Variants in NTNG1 observed in about 807,000 individuals in gnomAD.
NTNG1 encodes netrin G1, also known as netrin-G1.
Under a neutral mutation model 54.0 loss-of-function variants are expected in NTNG1, and 16 were observed. The ratio of observed to expected loss-of-function variants is 0.30; its 90% CI spans 0.20 to 0.45. The LOEUF (loss-of-function observed/expected upper bound fraction) is 0.45, where lower values mean the gene tolerates loss of function less well. NTNG1 is among the 20% of genes least tolerant of loss of function. The probability of loss-of-function intolerance (pLI) is 1.00; values close to 1 mark genes in which losing one functional copy is unlikely to be tolerated. For missense variants in NTNG1, 530 were observed against 678.7 expected, an observed-to-expected ratio of 0.78 and a Z score of 2.43; for synonymous variants, 255 against 263.1, an observed-to-expected ratio of 0.97 and a Z score of 0.30.
At chr1:107,375,895 C>T (rs777310915) in intron 3 of NTNG1, among the ~76,000 whole-genome samples, 1 of 152,160 alleles carries the variant, frequency 6.6e-6, no homozygotes, top group East Asian at 1.9e-4. Context: ...TTGTGCCTAA[C>T]CACCTCATTC....
intron 2 of NTNG1, among the ~76,000 whole-genome samples, chr1:107,295,755 A>G (rs1665905488): frequency 6.6e-6 from 1 of 152,126 alleles, no homozygotes; most frequent in South Asian, 2.1e-4. Flanking sequence ...TATATAAATT[A>G]TGCAAAGCAG....
chr1:107,236,067 T>G (rs1236811435), intron 2 of NTNG1, among the ~76,000 whole-genome samples: 2 of 152,138 alleles, frequency 1.3e-5, no homozygotes, highest in African/African-American at 4.8e-5. Flanking sequence ...TACACATGTG[T>G]GCACACACAC....
At chr1:107,232,663 A>T (rs1332387697) in intron 2 of NTNG1, among the ~76,000 whole-genome samples, 1 of 152,208 alleles carries the variant, frequency 6.6e-6, no homozygotes, top group Non-Finnish European at 1.5e-5. Flanking sequence ...AAGAGAAGTG[A>T]TGAGCCAAAT....
intron 3 of NTNG1, among the ~76,000 whole-genome samples, chr1:107,384,933 C>G (rs992094229): frequency 5.9e-5 from 9 of 152,134 alleles, no homozygotes; most frequent in African/African-American, 2.2e-4. Flanking sequence ...TTTTGCTTAG[C>G]AGGGATAACT....
In NTNG1 at chr1:107,483,719, A is replaced by T. The variant is rs564175725; in HGVS notation, c.*2879A>T. 3.9e-5 allele frequency among the ~76,000 whole-genome samples: 6 copies of T among 152,278 alleles called. No individual in the cohort carries two copies. The highest frequency in any genetic ancestry group is 1.3e-4 in the Admixed American group (2 of 15,300). ...TTGATAAATCCCTTAAAGTGGCTTA[A>T]TGTAGTCTTGCATATGAGTTAATCT... On this transcript the variant is annotated 3_prime_UTR_variant, in exon 8 of 8. Transcript: ENST00000370068.
chr1:107,332,766 A>T (rs945024680), intron 3 of NTNG1, among the ~76,000 whole-genome samples: 1 of 152,038 alleles, frequency 6.6e-6, no homozygotes, highest in South Asian at 2.1e-4. Flanking sequence ...ATTCTGTTGC[A>T]ATATGGGTCT....
chr1:107,157,027 C>T (rs1655052461), intron 2 of NTNG1, among the ~76,000 whole-genome samples: 1 of 152,128 alleles, frequency 6.6e-6, no homozygotes. Context: ...ACACTTATCC[C>T]CACACACGGC....
At chr1:107,348,287 G>A (rs193216476) in intron 3 of NTNG1, among the ~76,000 whole-genome samples, 31 of 152,088 alleles carry the variant, frequency 2.0e-4, no homozygotes, top group Middle Eastern at 3.4e-3. Context: ...CACGACACCT[G>A]GCTGATTTTT....
At chr1:107,401,012 G>A (rs192620062) in intron 4 of NTNG1, among the ~76,000 whole-genome samples, 1 of 152,278 alleles carries the variant, frequency 6.6e-6, no homozygotes, top group Non-Finnish European at 1.5e-5. Context: ...TGTGCACGTG[G>A]CTACACTGGC....
At chr1:107,457,474 C>G (rs576286313) in intron 7 of NTNG1, among the ~76,000 whole-genome samples, 1 of 152,088 alleles carries the variant, frequency 6.6e-6, no homozygotes, top group Non-Finnish European at 1.5e-5. Flanking sequence ...TGATTATGCT[C>G]AATTAATATG....
At chr1:107,301,247 T>C (rs1242366939) in intron 2 of NTNG1, among the ~76,000 whole-genome samples, 5 of 152,220 alleles carry the variant, frequency 3.3e-5, no homozygotes, top group Non-Finnish European at 7.3e-5. Context: ...AAAGACTTCA[T>C]ATGCTATTGT....
At chr1:107,480,588 C>CT in intron 7 of NTNG1, 23 bp from the exon 8 acceptor site, 1 of 1,119,762 alleles carries the variant, frequency 8.9e-7, no homozygotes, top group Non-Finnish European at 1.3e-6. Context: ...CCACCCACCC[C>CT]TACCTTCCCC....
At chr1:107,152,989 G>C (rs1408253605) in intron 2 of NTNG1, among the ~76,000 whole-genome samples, 6 of 152,166 alleles carry the variant, frequency 3.9e-5, no homozygotes, top group Non-Finnish European at 7.3e-5. Flanking sequence ...CTGTGCTCTC[G>C]ATAGGCATTT....
intron 3 of NTNG1, among the ~76,000 whole-genome samples, chr1:107,341,247 C>T (rs1240182340): frequency 6.6e-6 from 1 of 152,044 alleles, no homozygotes; most frequent in Admixed American, 6.6e-5. Context: ...TAACTCTTTC[C>T]ACTTTCTTAT....
At chr1:107,289,792 C>T (rs1665462713) in intron 2 of NTNG1, among the ~76,000 whole-genome samples, 1 of 152,098 alleles carries the variant, frequency 6.6e-6, no homozygotes, top group Non-Finnish European at 1.5e-5. Flanking sequence ...CCTGCAGTTT[C>T]TCATTAATAC....
Position 107,360,635 on chromosome 1 carries a change from C to A in NTNG1, c.888-34519C>A, listed in dbSNP as rs561747796. Among the ~76,000 whole-genome samples the A allele has an allele frequency of 1.4e-3, 211 of 152,202 alleles. 1 individual carries two copies. Among genetic ancestry groups the A allele is most frequent in the African/African-American group, 4.8e-3 (198 of 41,526 alleles). ...AGTACATAAATAATTTATTTGAATTCTGAAAAGTATTTGCAAAGTCAAGTA... is the reference window on the plus strand; with the variant it reads ...AGTACATAAATAATTTATTTGAATTATGAAAAGTATTTGCAAAGTCAAGTA... On this transcript the variant is annotated intron_variant, in intron 3 of 7. Coordinates refer to ENST00000370068, the MANE Select transcript of NTNG1 (RefSeq NM_001113226.3).
At chr1:107,409,645 A>G (rs888670835) in intron 5 of NTNG1, 1 of 152,162 alleles carries the variant, frequency 6.6e-6, no homozygotes, top group South Asian at 2.1e-4. Context: ...TTTACTCCTA[A>G]TAAAAACCCT....
At chr1:107,141,244 T>TGGC (rs1232501338) in intron 1 of NTNG1, 104 bp downstream of exon 1, 1 of 151,276 alleles carries the variant, frequency 6.6e-6, no homozygotes, top group African/African-American at 2.4e-5. Flanking sequence ...GCTGCGGCGG[T>TGGC]GGCGGCGGCT....
chr1:107,255,898 G>C (rs1339990628), intron 2 of NTNG1, among the ~76,000 whole-genome samples: 1 of 152,130 alleles, frequency 6.6e-6, no homozygotes, highest in African/African-American at 2.4e-5. Flanking sequence ...CTATTAAAAT[G>C]AATTGCTTAT....
Sources: allele counts gnomAD v4.1 joint callset (sites outside exome capture counted in the v4.1 genomes callset), GRCh38; gene constraint gnomAD v4.1.1; transcripts MANE v1.5; gene names NCBI Gene and HGNC (gene_info 2026-07-23, HGNC 2026-07-21).